PMFBP1: variants seen among roughly 807,000 people sequenced by gnomAD.
PMFBP1 encodes polyamine-modulated factor 1-binding protein 1.
In PMFBP1, 131 loss-of-function variants were observed where a neutral mutation model predicts 137.8. The ratio of observed to expected loss-of-function variants is 0.95; its 90% CI spans 0.82 to 1.10. PMFBP1 has a LOEUF of 1.10. Ranked by LOEUF, PMFBP1 falls within the 50% of genes least tolerant of loss-of-function variation. The pLI, the probability that PMFBP1 is intolerant of heterozygous loss-of-function variation, is 0.00. For missense variants in PMFBP1, 1,199 were observed against 1,175.4 expected, an observed-to-expected ratio of 1.02 and a Z score of -0.29; for synonymous variants, 490 against 450.4, an observed-to-expected ratio of 1.09 and a Z score of -1.11.
chr16:72,164,374 A>G, intron 3 of PMFBP1: 1 of 1,282,896 alleles, frequency 7.8e-7, no homozygotes, highest in Non-Finnish European at 1.0e-6. Context: ...CTGATACCTT[A>G]GAGCAGGTGT....
intron 3 of PMFBP1, among the ~76,000 whole-genome samples, chr16:72,155,085 T>G (rs1244043512): frequency 1.3e-5 from 2 of 152,126 alleles, no homozygotes; most frequent in African/African-American, 4.8e-5. Flanking sequence ...ACAATCTATC[T>G]GAAATGCTGC....
At chr16:72,195,666 T>C in the PMFBP1 span, among the ~76,000 whole-genome samples, 1 of 152,250 alleles carries the variant, frequency 6.6e-6, no homozygotes, top group Non-Finnish European at 1.5e-5. Flanking sequence ...TAAATACTAC[T>C]ACTCTCTTTC....
chr16:72,227,091 GA>G, the PMFBP1 span, among the ~76,000 whole-genome samples: 1,099 of 145,382 alleles, frequency 7.6e-3, 7 homozygotes, highest in Middle Eastern at 0.034. Context: ...TTCATTTGTA[GA>G]AAAAAAAAAG....
At chr16:72,181,234 T>C (rs989954688), upstream of PMFBP1, among the ~76,000 whole-genome samples, 9 of 147,412 alleles carry the variant, frequency 6.1e-5, no homozygotes, top group Admixed American at 5.5e-4. Flanking sequence ...CAAGACTTCA[T>C]CTCAAAAAAA....
At chr16:72,248,385 C>A in the PMFBP1 span, among the ~76,000 whole-genome samples, 1 of 152,078 alleles carries the variant, frequency 6.6e-6, no homozygotes, top group African/African-American at 2.4e-5. Context: ...CAAGTTAAAA[C>A]ACTTTATATC....
the PMFBP1 span, among the ~76,000 whole-genome samples, chr16:72,215,355 A>G: frequency 6.8e-6 from 1 of 146,686 alleles, no homozygotes; most frequent in African/African-American, 2.6e-5. Context: ...AAATGCTTCC[A>G]GAGAGAGAGA....
chr16:72,129,010 G>A, intron 13 of PMFBP1, 56 bp downstream of exon 13: 1 of 1,577,592 alleles, frequency 6.3e-7, no homozygotes, highest in Non-Finnish European at 8.6e-7. Flanking sequence ...GGCCCAGGTG[G>A]GGTCATGTCC....
At chr16:72,139,470 A>G in intron 6 of PMFBP1, 71 bp from the exon 7 acceptor site, 1 of 1,154,954 alleles carries the variant, frequency 8.7e-7, no homozygotes, top group Non-Finnish European at 1.3e-6. Context: ...CTATTATTTC[A>G]GAGTGTTCCT....
At chr16:72,222,688 T>C in the PMFBP1 span, among the ~76,000 whole-genome samples, 2 of 152,226 alleles carry the variant, frequency 1.3e-5, no homozygotes, top group East Asian at 1.9e-4. Flanking sequence ...GGGTAAGTTA[T>C]TTAATCTCTC....
intron 5 of PMFBP1, among the ~76,000 whole-genome samples, chr16:72,148,111 G>A (rs903514366): frequency 3.3e-5 from 5 of 152,094 alleles, no homozygotes; most frequent in African/African-American, 9.7e-5. Context: ...GCAAAGTCTT[G>A]GAACCAACCC....
At chr16:72,144,568 T>C (rs780343619) in intron 5 of PMFBP1, among the ~76,000 whole-genome samples, 5 of 152,150 alleles carry the variant, frequency 3.3e-5, no homozygotes, top group African/African-American at 9.7e-5. Context: ...TTTATTTAAA[T>C]AATAAAATTC....
At chr16:72,187,144 A>G in the PMFBP1 span, among the ~76,000 whole-genome samples, 10 of 152,006 alleles carry the variant, frequency 6.6e-5, no homozygotes, top group Non-Finnish European at 2.9e-5. Context: ...AAAAATAATA[A>G]AAGCAAGCAA....
chr16:72,173,453 T>G (rs1401633782), upstream of PMFBP1, among the ~76,000 whole-genome samples: 1 of 152,234 alleles, frequency 6.6e-6, no homozygotes, highest in Non-Finnish European at 1.5e-5. Flanking sequence ...ACAGCTGTAG[T>G]TGCAAGAGCC....
chr16:72,193,641 T>A, the PMFBP1 span, among the ~76,000 whole-genome samples: 5 of 151,890 alleles, frequency 3.3e-5, no homozygotes, highest in South Asian at 1.0e-3. Flanking sequence ...GATGGAAAAT[T>A]TAAAATCATT....
At chr16:72,168,530 A>G (rs535197643) in intron 2 of PMFBP1, among the ~76,000 whole-genome samples, 31 of 152,368 alleles carry the variant, frequency 2.0e-4, no homozygotes, top group African/African-American at 7.0e-4. Context: ...CTGACATTTC[A>G]TCAATCATAG....
chr16:72,214,074 G>A, the PMFBP1 span, among the ~76,000 whole-genome samples: 6 of 152,222 alleles, frequency 3.9e-5, no homozygotes, highest in African/African-American at 1.4e-4. Context: ...AATATGTTGT[G>A]TATAAGTGTG....
intron 5 of PMFBP1, among the ~76,000 whole-genome samples, chr16:72,142,741 C>T (rs61705884): frequency 0.016 from 2,367 of 152,078 alleles, 48 homozygotes; most frequent in East Asian, 0.1. Flanking sequence ...AAGGGACTGC[C>T]GAGCATAGTA....
chr16:72,142,392 T>G (rs776818793), intron 5 of PMFBP1, among the ~76,000 whole-genome samples: 7 of 152,194 alleles, frequency 4.6e-5, no homozygotes, highest in African/African-American at 7.2e-5. Context: ...AGTGAAGTGT[T>G]GAATGGCTTA....
At chr16:72,239,368 CT>C in the PMFBP1 span, among the ~76,000 whole-genome samples, 15 of 152,136 alleles carry the variant, frequency 9.9e-5, no homozygotes, top group African/African-American at 3.1e-4. Flanking sequence ...TTTGTTAAGG[CT>C]TTTTACATGA....
Sources: gnomAD v4.1 joint callset for allele counts (sites outside exome capture counted in the v4.1 genomes callset) on GRCh38, gnomAD v4.1.1 for gene constraint, MANE v1.5 for transcripts, NCBI Gene and HGNC (gene_info 2026-07-23, HGNC 2026-07-21) for gene names.